Variants in COL21A1 observed in about 807,000 individuals in gnomAD.
The protein encoded by COL21A1 is collagen type XXI alpha 1 chain.
COL21A1 carries 149 observed loss-of-function variants against 137.9 expected under a neutral mutation model. That is an observed-to-expected ratio of 1.08 (90% CI 0.95 to 1.24). The LOEUF (loss-of-function observed/expected upper bound fraction) is 1.24, where lower values mean the gene tolerates loss of function less well. Ranked by LOEUF, COL21A1 falls within the 50% of genes most tolerant of loss-of-function variation. The pLI, the probability that COL21A1 is intolerant of heterozygous loss-of-function variation, is 0.00. For missense variants in COL21A1, 1,167 were observed against 1,158.4 expected (o/e 1.01, Z -0.11); for synonymous variants, 456 against 391.5 (o/e 1.16, Z -1.95).
chr6:56,357,123 C>A lies in COL21A1; in HGVS notation c.-39+36848G>T, dbSNP rs1765852295. ...TTAGAAAGGACTAACTCAAAGCAAC[C>A]ATTCCTCTTGCAAAGTCTGTTCTCT... On this transcript the variant is annotated intron_variant, in intron 1 of 28. Transcript: ENST00000370819. Among the ~76,000 whole-genome samples the A allele has an allele frequency of 2.0e-5, 3 of 152,194 alleles. 1 individual carries two copies. In the South Asian group the frequency reaches 6.2e-4, roughly 31 times the overall value.
intron 1 of COL21A1, among the ~76,000 whole-genome samples, chr6:56,342,709 G>A (rs949641801): frequency 7.9e-5 from 12 of 152,136 alleles, no homozygotes; most frequent in Non-Finnish European, 1.8e-4. Flanking sequence ...AATTAATCTT[G>A]TTATCTCCTT....
At chr6:56,390,720 G>C (rs932807477) in intron 1 of COL21A1, among the ~76,000 whole-genome samples, 2 of 151,818 alleles carry the variant, frequency 1.3e-5, no homozygotes, top group Admixed American at 1.3e-4. Context: ...AAAAGAAGAA[G>C]ACAAACAAGG....
At chr6:56,332,943 A>G (rs1304943760) in intron 1 of COL21A1, among the ~76,000 whole-genome samples, 1 of 151,996 alleles carries the variant, frequency 6.6e-6, no homozygotes, top group Non-Finnish European at 1.5e-5. Flanking sequence ...ATATTACTCA[A>G]TATTTTACCA....
intron 7 of COL21A1, 149 bp downstream of exon 7, chr6:56,166,757 T>C (rs1036136556): frequency 1.8e-5 from 13 of 718,502 alleles, no homozygotes; most frequent in Admixed American, 1.6e-4. Context: ...CAAAATATGT[T>C]TTGCTTCATG....
At chr6:56,067,658 A>T (rs1238466442) in intron 22 of COL21A1, among the ~76,000 whole-genome samples, 2 of 151,738 alleles carry the variant, frequency 1.3e-5, no homozygotes, top group East Asian at 3.9e-4. Context: ...TATTTTGACA[A>T]ATGTTGTTTT....
chr6:56,133,329 TC>T (rs1773720055), intron 12 of COL21A1, among the ~76,000 whole-genome samples: 1 of 152,116 alleles, frequency 6.6e-6, no homozygotes, highest in African/African-American at 2.4e-5. Context: ...GTGGCATTTT[TC>T]CCCTGCCCTA....
In COL21A1 at chr6:56,064,235, G is replaced by C. The variant is rs1321886111; in HGVS notation, c.2172+343C>G. Among the ~76,000 whole-genome samples the C allele has an allele frequency of 4.6e-5, 7 of 152,126 alleles. No homozygotes were observed. The East Asian group carries it at 1.4e-3, about 30-fold the overall frequency. Reference sequence around the variant, plus strand: ...TCAAGAAGAAAAGCAAGACAAACCAGCAGGGATGAACAAGCTGCCATTGTG... The same window carrying C: ...TCAAGAAGAAAAGCAAGACAAACCACCAGGGATGAACAAGCTGCCATTGTG... On this transcript the variant is annotated intron_variant, in intron 24 of 29. Transcript: ENST00000244728.
At position 56,167,984 on chromosome 6, in the gene COL21A1, A is replaced by G. The variant is rs1582539933; in HGVS notation, c.1200+140T>C. On this transcript the variant is annotated intron_variant, in intron 6 of 29. Transcript: ENST00000244728. ...CATATACATATGCATAATTTCACTAATGAACTGACCACATTTTGGTGAACA... is the reference window on the plus strand; with the variant it reads ...CATATACATATGCATAATTTCACTAGTGAACTGACCACATTTTGGTGAACA... 2.7e-5 allele frequency: 14 copies of G among 519,126 alleles called. No homozygotes were observed. The East Asian group carries it at 4.2e-4, about 16-fold the overall frequency. 32.2% of individuals were successfully genotyped at this position (519,126 alleles called of 1,614,324 possible).
chr6:56,348,752 T>G (rs1041406021), intron 1 of COL21A1, among the ~76,000 whole-genome samples: 5 of 152,202 alleles, frequency 3.3e-5, no homozygotes, highest in Non-Finnish European at 5.9e-5. Context: ...AACACTGGGA[T>G]TAGATAACAG....
At chr6:56,185,979 C>A (rs1778268471) in intron 1 of COL21A1, among the ~76,000 whole-genome samples, 1 of 150,572 alleles carries the variant, frequency 6.6e-6, no homozygotes, top group South Asian at 2.1e-4. Context: ...ATTATGAGGC[C>A]AACATAACCC....
In COL21A1 at chr6:56,283,625, G is replaced by A. The variant is rs117501936; in HGVS notation, c.-38-100969C>T. Among the ~76,000 whole-genome samples, 111 of 152,152 alleles carry A rather than the reference G, an allele frequency of 7.3e-4. No homozygotes were observed. The East Asian group carries it at 0.02, about 27-fold the overall frequency. On this transcript the variant is annotated intron_variant, in intron 1 of 28. Transcript: ENST00000370819. ...ATTTCTGTAATTGGTGCTCAGTGACGGGCTGGTGATAAATGAAAGAACCAC... is the reference window on the plus strand; with the variant it reads ...ATTTCTGTAATTGGTGCTCAGTGACAGGCTGGTGATAAATGAAAGAACCAC...
chr6:56,174,364 G>T (rs1277950029), intron 3 of COL21A1, among the ~76,000 whole-genome samples: 1 of 151,846 alleles, frequency 6.6e-6, no homozygotes, highest in Admixed American at 6.6e-5. Context: ...AAAATGGAAA[G>T]AAGTCAACAA....
At chr6:56,373,021 A>G (rs1330934350) in intron 1 of COL21A1, among the ~76,000 whole-genome samples, 4 of 152,202 alleles carry the variant, frequency 2.6e-5, no homozygotes, top group Admixed American at 2.0e-4. Context: ...AAATAAAAAA[A>G]AAAAAGAAAC....
chr6:56,336,632 C>T (rs1201233583), intron 1 of COL21A1, among the ~76,000 whole-genome samples: 5 of 152,110 alleles, frequency 3.3e-5, no homozygotes, highest in African/African-American at 1.2e-4. Context: ...TACTGAAGAA[C>T]ACAAATTGAA....
intron 1 of COL21A1, among the ~76,000 whole-genome samples, chr6:56,214,647 C>CTT (rs947260587): frequency 6.8e-6 from 1 of 147,688 alleles, no homozygotes; most frequent in Non-Finnish European, 1.5e-5. Context: ...CAAGGCCCCC[C>CTT]TTTTTTTTTT....
intron 12 of COL21A1, among the ~76,000 whole-genome samples, chr6:56,131,960 C>A (rs1773585785): frequency 6.6e-6 from 1 of 151,568 alleles, no homozygotes; most frequent in Non-Finnish European, 1.5e-5. Context: ...AGAAATAAGG[C>A]TAAAAATAAA....
rs1292158603 is a variant in COL21A1, at chr6:56,393,117, TA to T, written c.-39+853del. On this transcript the variant is annotated intron_variant, in intron 1 of 28. Transcript: ENST00000370819. ...TTCACATTATACCACAGAGCTATAG[TA>T]ACCAAAACAACATGGTATTGGCAAA... Among the ~76,000 whole-genome samples, 4 of 149,070 alleles carry T rather than the reference TA, an allele frequency of 2.7e-5. No individual in the cohort carries two copies. In the East Asian group the frequency reaches 7.8e-4, roughly 29 times the overall value.
chr6:56,383,278 G>A (rs769575973), intron 1 of COL21A1, among the ~76,000 whole-genome samples: 1 of 152,016 alleles, frequency 6.6e-6, no homozygotes, highest in Non-Finnish European at 1.5e-5. Flanking sequence ...CTTCCTATAA[G>A]GGCATTAATC....
intron 16 of COL21A1, among the ~76,000 whole-genome samples, chr6:56,114,937 T>C (rs1216250235): frequency 4.0e-5 from 6 of 149,984 alleles, no homozygotes; most frequent in Non-Finnish European, 8.9e-5. Flanking sequence ...TGTCCAACAA[T>C]GATAGACTGG....
Sources: gnomAD v4.1 joint callset for allele counts (sites outside exome capture counted in the v4.1 genomes callset) on GRCh38, gnomAD v4.1.1 for gene constraint, MANE v1.5 for transcripts, NCBI Gene and HGNC (gene_info 2026-07-23, HGNC 2026-07-21) for gene names.